TSC2: variants seen among roughly 807,000 people sequenced by gnomAD.
TSC2 encodes the protein TSC complex subunit 2.
In TSC2, 29 loss-of-function variants were observed where a neutral mutation model predicts 202.2. The ratio of observed to expected loss-of-function variants is 0.14; its 90% CI spans 0.11 to 0.20. The LOEUF (loss-of-function observed/expected upper bound fraction) is 0.20. Ranked by LOEUF, TSC2 falls within the 10% of genes least tolerant of loss-of-function variation. The pLI, the probability that TSC2 is intolerant of heterozygous loss-of-function variation, is 1.00. For synonymous variants in TSC2, 1,349 were observed against 1,044.0 expected (o/e 1.29, Z -5.63); for missense variants, 2,429 against 2,420.0 (o/e 1.00, Z -0.08).
chr16:2,063,108 G>A (rs2151175111), intron 14 of TSC2, 55 bp downstream of exon 14: 2 of 1,542,976 alleles, frequency 1.3e-6, no homozygotes, highest in Middle Eastern at 1.7e-4. Context: ...CCGTGGGCGG[G>A]CTGTCTCTGT....
chr16:2,083,627 C>G, intron 32 of TSC2, 68 bp from the exon 33 acceptor site: 1 of 1,548,028 alleles, frequency 6.5e-7, no homozygotes, highest in East Asian at 2.4e-5. Flanking sequence ...GGCTGGTTCT[C>G]GGAGGCCACG....
intron 38 of TSC2, 78 bp from the exon 39 acceptor site, chr16:2,087,785 A>G: frequency 6.5e-7 from 1 of 1,532,850 alleles, no homozygotes; most frequent in East Asian, 2.4e-5. Flanking sequence ...GGTGTCTAGC[A>G]GTGCAACCAG....
In TSC2 at chr16:2,055,992, G is replaced by A. The variant is rs572511471; in HGVS notation, c.600-204G>A. On this transcript the variant is annotated intron_variant, in intron 6 of 41. Transcript: ENST00000219476. ...GTTGTTTGTTTAGAATGTTGCATGA[G>A]CTCTGTCTCACTCATGCTGAACACC... 7.5e-6 allele frequency: 5 copies of A among 668,604 alleles called. No homozygotes were observed. The South Asian group carries it at 8.1e-5, about 11-fold the overall frequency. The allele number at this position is 668,604 out of a possible 1,614,324, so 41.4% of individuals were successfully genotyped here.
At position 2,070,562 on chromosome 16, in the gene TSC2, G is replaced by C. The variant is rs753235037; in HGVS notation, c.1823G>C (p.Ser608Thr). The change falls in exon 17 of 42, where the codon AGC becomes ACC. Residue 608 changes from serine to threonine, a missense_variant. Coordinates refer to ENST00000219476, the MANE Select transcript of TSC2 (RefSeq NM_000548.5). The stretch of plus-strand genomic sequence containing the variant: ...CACAGCTACACCCTGCCAATCGCGA[G>C]CAGCATCCGGCTGCAGGTATGGTGG... ...YKHSYTLPIA[S>T]SIRLQAFDFL... The C allele has an allele frequency of 6.8e-6, 11 of 1,613,132 alleles. No individual in the cohort carries two copies. The highest frequency in any genetic ancestry group is 8.5e-6 in the Non-Finnish European group (10 of 1,180,026).
At chr16:2,070,051 C>G (rs956695278) in intron 16 of TSC2, among the ~76,000 whole-genome samples, 1 of 152,182 alleles carries the variant, frequency 6.6e-6, no homozygotes, top group Admixed American at 6.5e-5. Flanking sequence ...CTGCTGGCCT[C>G]GGCCCCAGGG....
intron 26 of TSC2, among the ~76,000 whole-genome samples, chr16:2,077,939 C>G (rs1430691881): frequency 6.6e-6 from 1 of 152,208 alleles, no homozygotes; most frequent in African/African-American, 2.4e-5. Flanking sequence ...CCCAGGCCCC[C>G]TCGGGGTGCC....
intron 11 of TSC2, 60 bp downstream of exon 11, chr16:2,060,873 A>G (rs1304483496): frequency 6.3e-7 from 1 of 1,598,004 alleles, no homozygotes; most frequent in Admixed American, 1.7e-5. Flanking sequence ...GGCTCGGCCC[A>G]CTCAGAAGAT....
At chr16:2,066,990 T>C (rs2087472094) in intron 16 of TSC2, among the ~76,000 whole-genome samples, 1 of 151,914 alleles carries the variant, frequency 6.6e-6, no homozygotes. Flanking sequence ...CCTCACAGCA[T>C]CACTTACGTG....
chr16:2,074,847 G>C (rs1264109781), intron 22 of TSC2: 1 of 266,298 alleles, frequency 3.8e-6, no homozygotes, highest in East Asian at 8.8e-5. Context: ...AGAGGCTGGA[G>C]AGAAGATCGT....
At chr16:2,072,543 C>A in intron 20 of TSC2, 180 bp downstream of exon 20, 1 of 1,007,262 alleles carries the variant, frequency 9.9e-7, no homozygotes, top group Non-Finnish European at 1.4e-6. Flanking sequence ...CCTGCCCCAG[C>A]TCGCAGCTTT....
chr16:2,075,900 G>A lies in TSC2; in HGVS notation c.2639+8G>A, dbSNP rs777033931. On this transcript the variant is annotated splice_region_variant and intron_variant, in intron 23 of 41. Transcript: ENST00000219476. ...GTACACCAACCCCTCCAAGTGAGTG[G>A]TCGCCCCAGGCCCTGTGCCTCCCAG... 1.2e-6 allele frequency: 2 copies of A among 1,613,088 alleles called. No homozygotes were observed. Among genetic ancestry groups the A allele is most frequent in the Non-Finnish European group, 8.5e-7 (1 of 1,179,998 alleles).
intron 26 of TSC2, chr16:2,078,743 C>G (rs937613487): frequency 2.0e-6 from 1 of 496,196 alleles, no homozygotes; most frequent in Non-Finnish European, 3.7e-6. Flanking sequence ...GCCAGGAGGC[C>G]GTAACCTAGT....
rs2151304339 is a variant in TSC2 at position 2,071,807 on chromosome 16, A to G, written c.1970A>G (p.Lys657Arg). ...DYMEPERGSE[K>R]KTSGPLSPPT... ...AGGGAGCCAGAGAGAGGCTCTGAGA[A>G]GAAGACCAGCGGCCCCCTTTCTCCT... The change falls in exon 19 of 42, where the codon AAG becomes AGG. Residue 657 changes from lysine to arginine, a missense_variant. Transcript: ENST00000219476. The G allele has an allele frequency of 1.9e-6, 3 of 1,605,198 alleles. No homozygotes were observed. The highest frequency in any genetic ancestry group is 1.1e-5 in the South Asian group (1 of 89,548).
rs369346726 is a variant in TSC2 at position 2,086,246 on chromosome 16, G to A, written c.4716G>A (p.Thr1572=). The A allele has an allele frequency of 1.2e-5, 20 of 1,612,614 alleles. 1 individual carries two copies. Among genetic ancestry groups the A allele is most frequent in the African/African-American group, 8.0e-5 (6 of 74,904 alleles). The part of the protein sequence containing the change: ...LSNEHGSYRY[T]EFLTGLGRLI... ...ATGAGCATGGCTCCTACAGGTACACGGAGTTCCTGACGGGCCTGGGCCGGC... is the reference window on the plus strand; with the variant it reads ...ATGAGCATGGCTCCTACAGGTACACAGAGTTCCTGACGGGCCTGGGCCGGC... The change falls in exon 37 of 42, where the codon ACG becomes ACA. Residue 1572 remains threonine (T), a synonymous_variant. Coordinates refer to ENST00000219476, the MANE Select transcript of TSC2 (RefSeq NM_000548.5).
rs751923657 is a variant in TSC2, at chr16:2,054,305, T to C, written c.346T>C (p.Leu116=). 1.2e-6 allele frequency: 2 copies of C among 1,613,952 alleles called. No homozygotes were observed. The highest frequency in any genetic ancestry group is 2.2e-5 in the East Asian group (1 of 44,898). ...TGGCTTTTGTCTTTAGGGCGAGCGTTTGGGGGTCCTCAGAGCCCTCTTCTT... is the reference window on the plus strand; with the variant it reads ...TGGCTTTTGTCTTTAGGGCGAGCGTCTGGGGGTCCTCAGAGCCCTCTTCTT... The part of the protein sequence containing the change: ...KAIVQGQGER[L]GVLRALFFKV... The change falls in exon 5 of 42, where the codon TTG becomes CTG. Residue 116 remains leucine, a synonymous_variant. Transcript: ENST00000219476.
chr16:2,088,436 CTGCCTTCAGATCTGCGAGGAAGCCGCCTA>C lies in TSC2; in HGVS notation c.5260-9_5279del, dbSNP rs967037646. On this transcript the variant is annotated splice_acceptor_variant and splice_polypyrimidine_tract_variant and coding_sequence_variant and intron_variant, in exon 42 of 42. Coordinates refer to ENST00000219476, the MANE Select transcript of TSC2 (RefSeq NM_000548.5). LOFTEE classifies it high-confidence loss of function. ...CCCAGACTTACTGCCCAAGCCGCCT[CTGCCTTCAGATCTGCGAGGAAGCCGCCTA>C]CTCCAACCCCAGCCTACCTCTGGTG... is the stretch of plus-strand genomic sequence containing the variant. 3 of 1,612,798 alleles carry C rather than the reference CTGCCTTCAGATCTGCGAGGAAGCCGCCTA, an allele frequency of 1.9e-6. No individual in the cohort carries two copies. The highest frequency in any genetic ancestry group is 2.5e-6 in the Non-Finnish European group (3 of 1,180,014).
At chr16:2,056,283 C>G in intron 7 of TSC2, 39 bp downstream of exon 7, 2 of 1,613,192 alleles carry the variant, frequency 1.2e-6, no homozygotes, top group African/African-American at 2.7e-5. Flanking sequence ...CCATTTCACC[C>G]TGGTTTCTGG....
In TSC2 at chr16:2,084,652, G is replaced by A. The variant is rs752693719; in HGVS notation, c.4430G>A (p.Arg1477Lys). 1.3e-6 allele frequency: 2 copies of A among 1,599,380 alleles called. No individual in the cohort carries two copies. The highest frequency in any genetic ancestry group is 1.1e-5 in the South Asian group (1 of 91,086). Residue 1477 changes from arginine (R) to lysine (K), a missense_variant, in exon 34 of 42, where the codon AGG (arginine) becomes AAG (lysine). By Grantham distance (26) the Arg-to-Lys change is conservative. Transcript: ENST00000219476. ...TCACGCAGGGGCAAGAGAGTAGAGAGGGACGCCTTAAAGAGCAGAGCCACA... is the reference window on the plus strand; with the variant it reads ...TCACGCAGGGGCAAGAGAGTAGAGAAGGACGCCTTAAAGAGCAGAGCCACA... ...APSRRGKRVE[R>K]DALKSRATAS...
chr16:2,083,729 C>T lies in TSC2; in HGVS notation c.3918C>T (p.Gly1306=), dbSNP rs368712041. 21 of 1,600,326 alleles carry T rather than the reference C, an allele frequency of 1.3e-5. No homozygotes were observed. The highest frequency in any genetic ancestry group is 6.7e-5 in the African/African-American group (5 of 74,852). Residue 1306 remains glycine, a synonymous_variant, in exon 33 of 42, where the codon GGC becomes GGT. Coordinates refer to ENST00000219476, the MANE Select transcript of TSC2 (RefSeq NM_000548.5). ...SAVVMEEGSP[G]EVPVLVEPPG... is the part of the protein sequence containing the mutation. ...TGGTCATGGAGGAGGGAAGTCCGGG[C>T]GAGGTTCCTGTGCTGGTGGAGCCCC... is the stretch of plus-strand genomic sequence containing the variant.
Sources: allele counts gnomAD v4.1 joint callset (sites outside exome capture counted in the v4.1 genomes callset), GRCh38; gene constraint gnomAD v4.1.1; transcripts MANE v1.5; gene names NCBI Gene and HGNC (gene_info 2026-07-23, HGNC 2026-07-21).